ATXN2: variants seen among roughly 807,000 people sequenced by gnomAD.
ATXN2 encodes the protein ataxin 2.
Under a neutral mutation model 138.6 loss-of-function variants are expected in ATXN2, and 37 were observed. The ratio of observed to expected loss-of-function variants is 0.27; its 90% CI spans 0.21 to 0.35. The LOEUF is 0.35. Ranked by LOEUF, ATXN2 falls within the 10% of genes least tolerant of loss-of-function variation. The probability of loss-of-function intolerance (pLI) is 1.00; values close to 1 mark genes in which losing one functional copy is unlikely to be tolerated. For missense variants in ATXN2, 1,216 were observed against 1,480.3 expected (o/e 0.82, Z 2.93); for synonymous variants, 549 against 543.7 (o/e 1.01, Z -0.13).
intron 5 of ATXN2, among the ~76,000 whole-genome samples, chr12:111,543,635 G>A (rs1305620028): frequency 6.6e-6 from 1 of 151,940 alleles, no homozygotes; most frequent in Non-Finnish European, 1.5e-5. Context: ...TATTTGCATC[G>A]CTGACTCCAT....
chr12:111,545,472 TATA>T (rs1479466647), intron 5 of ATXN2, among the ~76,000 whole-genome samples: 7 of 151,710 alleles, frequency 4.6e-5, no homozygotes, highest in Non-Finnish European at 1.0e-4. Context: ...GGCAGGCACC[TATA>T]GCCCCAGCTA....
At chr12:111,525,872 C>T (rs1051901586) in intron 5 of ATXN2, among the ~76,000 whole-genome samples, 9 of 151,608 alleles carry the variant, frequency 5.9e-5, no homozygotes, top group Admixed American at 3.3e-4. Flanking sequence ...TTTTAGTAGA[C>T]GGGGTTTCAC....
intron 20 of ATXN2, among the ~76,000 whole-genome samples, chr12:111,467,643 G>A (rs1876118409): frequency 6.6e-6 from 1 of 152,056 alleles, no homozygotes; most frequent in African/African-American, 2.4e-5. Flanking sequence ...GAAAGAACCG[G>A]CTCTAATGAC....
At chr12:111,585,874 T>G (rs1036740419) in intron 1 of ATXN2, among the ~76,000 whole-genome samples, 1 of 151,370 alleles carries the variant, frequency 6.6e-6, no homozygotes, top group South Asian at 2.1e-4. Context: ...GTCTGTTTTT[T>G]AGTAGTTCCC....
intron 18 of ATXN2, chr12:111,471,565 G>A (rs1441511951): frequency 6.6e-6 from 1 of 152,148 alleles, no homozygotes; most frequent in African/African-American, 2.4e-5. Flanking sequence ...AAGGCACAAA[G>A]AATATAGAAC....
chr12:111,593,995 T>G (rs1405771348), intron 1 of ATXN2, among the ~76,000 whole-genome samples: 1 of 152,168 alleles, frequency 6.6e-6, no homozygotes, highest in Non-Finnish European at 1.5e-5. Flanking sequence ...CTCAATTAAG[T>G]TCCCCCAATC....
chr12:111,544,009 C>T (rs183973479), intron 5 of ATXN2, among the ~76,000 whole-genome samples: 98 of 151,902 alleles, frequency 6.5e-4, no homozygotes, highest in Middle Eastern at 3.4e-3. Context: ...GCCAGGAGGT[C>T]GAGGCTACAG....
At chr12:111,583,874 CTT>C (rs921055845) in intron 1 of ATXN2, among the ~76,000 whole-genome samples, 1 of 145,744 alleles carries the variant, frequency 6.9e-6, no homozygotes, top group Non-Finnish European at 1.5e-5. Context: ...AGATAAATAA[CTT>C]TTTTCTATGC....
At chr12:111,485,960 T>G in intron 16 of ATXN2, 95 bp from the exon 17 acceptor site, 1 of 1,238,468 alleles carries the variant, frequency 8.1e-7, no homozygotes, top group Non-Finnish European at 1.1e-6. Flanking sequence ...CTAATTTTAC[T>G]TGCTTTAACT....
chr12:111,525,294 G>A lies in ATXN2; in HGVS notation c.594C>T (p.Ile198=). Residue 198 remains isoleucine (I), a synonymous_variant, in exon 6 of 25, where the codon ATC becomes ATT. Coordinates refer to ENST00000673436, the MANE Select transcript of ATXN2 (RefSeq NM_001372574.1). ...TGTGTTCGCCATTCACTTTAGCACT[G>A]ATAGCAGAGTCAGTAAAAGCATCTG... ...AKRDAFTDSA[I]SAKVNGEHKE... 1.2e-6 allele frequency: 2 copies of A among 1,600,806 alleles called. No individual in the cohort carries two copies. The highest frequency in any genetic ancestry group is 1.7e-6 in the Non-Finnish European group (2 of 1,175,696).
chr12:111,590,411 G>A (rs888400759), intron 1 of ATXN2, among the ~76,000 whole-genome samples: 4 of 151,984 alleles, frequency 2.6e-5, no homozygotes, highest in Non-Finnish European at 4.4e-5. Flanking sequence ...TTAGGGGGCC[G>A]GACGCAGCAG....
At chr12:111,581,844 C>T in intron 1 of ATXN2, 1 of 327,980 alleles carries the variant, frequency 3.0e-6, no homozygotes, top group Non-Finnish European at 5.8e-6. Flanking sequence ...CTCCATCCAC[C>T]CTCCATTCCT....
At chr12:111,518,807 A>G (rs1377618045) in intron 8 of ATXN2, among the ~76,000 whole-genome samples, 2 of 152,044 alleles carry the variant, frequency 1.3e-5, no homozygotes, top group African/African-American at 2.4e-5. Flanking sequence ...CATGGCTCCA[A>G]TATCGGCAAT....
intron 14 of ATXN2, among the ~76,000 whole-genome samples, chr12:111,502,192 A>T (rs1458219778): frequency 6.6e-6 from 1 of 152,174 alleles, no homozygotes; most frequent in African/African-American, 2.4e-5. Context: ...GTACCTGTCC[A>T]GACACTGTTC....
Position 111,470,544 on chromosome 12 carries a change from C to G in ATXN2, c.2709+14G>C. ...ATGGTACAAAAATTAAGAGTTAGGCCTTACCAGCCTTACCTGAGACTGATA... is the reference window on the plus strand; with the variant it reads ...ATGGTACAAAAATTAAGAGTTAGGCGTTACCAGCCTTACCTGAGACTGATA... On this transcript the variant is annotated intron_variant, in intron 19 of 24. Coordinates refer to ENST00000673436, the MANE Select transcript of ATXN2 (RefSeq NM_001372574.1). The G allele has an allele frequency of 6.2e-7, 1 of 1,612,262 alleles. No homozygotes were observed. Among genetic ancestry groups the G allele is most frequent in the Non-Finnish European group, 8.5e-7 (1 of 1,178,470 alleles).
intron 23 of ATXN2, chr12:111,455,626 C>T (rs761659153): frequency 2.5e-4 from 78 of 311,482 alleles, no homozygotes; most frequent in Non-Finnish European, 4.4e-4. Flanking sequence ...GTAGTCACTT[C>T]GGAGAGCTGA....
intron 6 of ATXN2, among the ~76,000 whole-genome samples, chr12:111,524,268 AG>A (rs1222714098): frequency 1.3e-5 from 2 of 152,342 alleles, no homozygotes; most frequent in African/African-American, 4.8e-5. Context: ...TTCCTGTCTG[AG>A]GAAGAGTGTC....
intron 20 of ATXN2, among the ~76,000 whole-genome samples, chr12:111,465,734 C>T (rs1875952770): frequency 8.0e-6 from 1 of 124,944 alleles, no homozygotes; most frequent in Admixed American, 1.0e-4. Context: ...CGCACCGCTG[C>T]ACTTCAGAAT....
chr12:111,466,957 T>C (rs1472948126), intron 20 of ATXN2, among the ~76,000 whole-genome samples: 1 of 152,098 alleles, frequency 6.6e-6, no homozygotes, highest in East Asian at 1.9e-4. Flanking sequence ...GAGTATAAAA[T>C]TAACACTTCT....
Sources: allele counts gnomAD v4.1 joint callset (sites outside exome capture counted in the v4.1 genomes callset), GRCh38; gene constraint gnomAD v4.1.1; transcripts MANE v1.5; gene names NCBI Gene and HGNC (gene_info 2026-07-23, HGNC 2026-07-21).